Variants in NANOG observed in about 807,000 individuals in gnomAD.
NANOG encodes homeobox protein NANOG.
A neutral mutation model predicts 17.7 loss-of-function variants in NANOG; 2 were observed. The observed-to-expected ratio is 0.11, with a 90% CI of 0.05 to 0.36. The LOEUF is 0.36. NANOG is among the 10% of genes least tolerant of loss of function. NANOG has a pLI of 1.00. For synonymous variants in NANOG, 81 were observed against 124.7 expected (o/e 0.65, Z 2.33); for missense variants, 174 against 362.1 (o/e 0.48, Z 4.22).
rs993340113 is a variant in NANOG, at chr12:7,797,623, C to G, written c.*2528C>G. The G allele has an allele frequency of 2.6e-5, 4 of 152,292 alleles. No individual in the cohort carries two copies. Among genetic ancestry groups the G allele is most frequent in the African/African-American group, 9.7e-5 (4 of 41,410 alleles). 9.4% of individuals were successfully genotyped at this position (152,292 alleles called of 1,614,324 possible). A position where few individuals can be genotyped will look rare whatever the true frequency, so the allele number is the denominator to read the frequency against. The stretch of plus-strand genomic sequence containing the variant: ...CCACCCTCCTCGGTCTCCCAAAGTG[C>G]TAGGATTACAGGCATGAGCCACAGT... On this transcript the variant is annotated 3_prime_UTR_variant, in exon 4 of 4. Coordinates refer to ENST00000229307, the MANE Select transcript of NANOG (RefSeq NM_024865.4).
rs1468332464 is a variant in NANOG at position 7,797,777 on chromosome 12, T to G, written c.*2682T>G. On this transcript the variant is annotated 3_prime_UTR_variant, in exon 4 of 4. Coordinates refer to ENST00000229307, the MANE Select transcript of NANOG (RefSeq NM_024865.4). The stretch of plus-strand genomic sequence containing the variant: ...CAAGCAATCCTCCTGCCTGAGTCTC[T>G]CAAATAGCCCAGACTATAGGTGCAC... 1 of 151,872 alleles carries G rather than the reference T, an allele frequency of 6.6e-6. No homozygotes were observed. The highest frequency in any genetic ancestry group is 1.5e-5 in the Non-Finnish European group (1 of 68,044). The allele number at this position is 151,872 out of a possible 1,614,324, so 9.4% of individuals were successfully genotyped here. A position where few individuals can be genotyped will look rare whatever the true frequency, so the allele number is the denominator to read the frequency against.
At position 7,797,960 on chromosome 12, in the gene NANOG, T is replaced by G. The variant is rs555462620; in HGVS notation, c.*2865T>G. ...GAGTCACCAGCCTAGCCCTGTATTATGTTTTCTGAACTTTTTTTTTTTTAA... is the reference window on the plus strand; with the variant it reads ...GAGTCACCAGCCTAGCCCTGTATTAGGTTTTCTGAACTTTTTTTTTTTTAA... On this transcript the variant is annotated 3_prime_UTR_variant, in exon 4 of 4. Coordinates refer to ENST00000229307, the MANE Select transcript of NANOG (RefSeq NM_024865.4). The G allele has an allele frequency of 6.6e-6, 1 of 151,880 alleles. No homozygotes were observed. The highest frequency in any genetic ancestry group is 2.4e-5 in the African/African-American group (1 of 41,282). 9.4% of individuals were successfully genotyped at this position (151,880 alleles called of 1,614,324 possible). A position where few individuals can be genotyped will look rare whatever the true frequency, so the allele number is the denominator to read the frequency against.
Position 7,789,446 on chromosome 12 carries a change from C to G in NANOG, c.-169C>G. 1.6e-6 allele frequency: 1 copy of G among 615,680 alleles called. No individual in the cohort carries two copies. Among genetic ancestry groups the G allele is most frequent in the Non-Finnish European group, 2.9e-6 (1 of 348,802 alleles). 38.1% of individuals were successfully genotyped at this position (615,680 alleles called of 1,614,324 possible). A position where few individuals can be genotyped will look rare whatever the true frequency, so the allele number is the denominator to read the frequency against. ...GATTTTAACGTTCTGCTGGACTGAG[C>G]TGGTTGCCTCATGTTATTATGCAGG... On this transcript the variant is annotated 5_prime_UTR_variant, in exon 1 of 4. Coordinates refer to ENST00000229307, the MANE Select transcript of NANOG (RefSeq NM_024865.4).
At position 7,794,702 on chromosome 12, in the gene NANOG, C is replaced by T. The variant is rs758918190; in HGVS notation, c.525C>T (p.Pro175=). The T allele has an allele frequency of 1.9e-6, 3 of 1,606,654 alleles. No homozygotes were observed. Among genetic ancestry groups the T allele is most frequent in the Non-Finnish European group, 2.6e-6 (3 of 1,176,236 alleles). ...VTQKASAPTY[P]SLYSSYHQGC... ...AGAAGGCCTCAGCACCTACCTACCC[C>T]AGCCTTTACTCTTCCTACCACCAGG... Residue 175 remains proline (P), a synonymous_variant, in exon 4 of 4, where the codon CCC becomes CCT. Transcript: ENST00000229307.
In NANOG at chr12:7,798,263, G is replaced by A. The variant is rs911624303; in HGVS notation, c.*3168G>A. 6.6e-6 allele frequency: 1 copy of A among 152,212 alleles called. No individual in the cohort carries two copies. The highest frequency in any genetic ancestry group is 2.4e-5 in the African/African-American group (1 of 41,454). The allele number at this position is 152,212 out of a possible 1,614,324, so 9.4% of individuals were successfully genotyped here. On this transcript the variant is annotated 3_prime_UTR_variant, in exon 4 of 4. Transcript: ENST00000229307. ...GTCTTGGTTTGCGCCTGTAATCTCA[G>A]CTACTTGGAAGGCGGAGGCAGGATA...
chr12:7,792,836 C>T (rs1049217446), intron 1 of NANOG, 114 bp from the exon 2 acceptor site: 2 of 1,115,324 alleles, frequency 1.8e-6, no homozygotes, highest in Non-Finnish European at 2.6e-6. Context: ...CTTCTTATTA[C>T]TTAGATCTGG....
In NANOG at chr12:7,789,814, A is replaced by G; in HGVS notation, c.151+49A>G. On this transcript the variant is annotated intron_variant, in intron 1 of 3. Coordinates refer to ENST00000229307, the MANE Select transcript of NANOG (RefSeq NM_024865.4). ...AAGGCCAAGTTCCTTAAGGGAAAAG[A>G]GAGAAGGAGAGAGGGTTAAGGGATC... 2.6e-6 allele frequency: 4 copies of G among 1,563,684 alleles called. No individual in the cohort carries two copies. The Middle Eastern group carries it at 6.7e-4, about 261-fold the overall frequency.
In NANOG at chr12:7,793,192, C is replaced by G. The variant is rs1157451954; in HGVS notation, c.394C>G (p.Leu132Val). 1 of 1,613,570 alleles carries G rather than the reference C, an allele frequency of 6.2e-7. No homozygotes were observed. Among genetic ancestry groups the G allele is most frequent in the Non-Finnish European group, 8.5e-7 (1 of 1,179,844 alleles). ...LQQMQELSNI[L>V]NLSYKQVKTW... ...GCAGATGCAAGAACTCTCCAACATC[C>G]TGAACCTCAGCTACAAACAGGTAGG... The change falls in exon 2 of 4, where the codon CTG becomes GTG. Residue 132 changes from leucine to valine, a missense_variant. By Grantham distance (32) the Leu-to-Val change is conservative. This residue lies in a region of NANOG where 158 missense variants were observed against 244.2 expected (regional missense o/e 0.65). Transcript: ENST00000229307.
In NANOG at chr12:7,796,787, T is replaced by TCC. The variant is rs1862937899; in HGVS notation, c.*1692_*1693insCC. Reference sequence around the variant, plus strand: ...GTTTTATTTTGTTTTTTTTTAAGACTGGAGTCTTACTCTGTTGCCCAGGCT... The same window carrying TCC: ...GTTTTATTTTGTTTTTTTTTAAGACTCCGGAGTCTTACTCTGTTGCCCAGGCT... On this transcript the variant is annotated 3_prime_UTR_variant, in exon 4 of 4. Coordinates refer to ENST00000229307, the MANE Select transcript of NANOG (RefSeq NM_024865.4). 1.6e-5 allele frequency: 1 copy of TCC among 62,098 alleles called. No individual in the cohort carries two copies. Among genetic ancestry groups the TCC allele is most frequent in the Admixed American group, 1.9e-4 (1 of 5,386 alleles). 3.8% of individuals were successfully genotyped at this position (62,098 alleles called of 1,614,324 possible).
chr12:7,796,562 A>G lies in NANOG; in HGVS notation c.*1467A>G, dbSNP rs1862933911. 6.6e-6 allele frequency: 1 copy of G among 152,152 alleles called. No homozygotes were observed. The highest frequency in any genetic ancestry group is 2.4e-5 in the African/African-American group (1 of 41,440). The allele number at this position is 152,152 out of a possible 1,614,324, so 9.4% of individuals were successfully genotyped here. On this transcript the variant is annotated 3_prime_UTR_variant, in exon 4 of 4. Transcript: ENST00000229307. Reference sequence around the variant, plus strand: ...AGAGCAGCTACGCAGGCATCTGTGAATTATACTAATAATCCTTTACTGTCC... The same window carrying G: ...AGAGCAGCTACGCAGGCATCTGTGAGTTATACTAATAATCCTTTACTGTCC...
rs1471066954 is a variant in NANOG at position 7,793,099 on chromosome 12, G to C, written c.301G>C (p.Val101Leu). Reference sequence around the variant, plus strand: ...GGTCAAGAAACAGAAGACCAGAACTGTGTTCTCTTCCACCCAGCTGTGTGT... The same window carrying C: ...GGTCAAGAAACAGAAGACCAGAACTCTGTTCTCTTCCACCCAGCTGTGTGT... ...VPVKKQKTRT[V>L]FSSTQLCVLN... The change falls in exon 2 of 4, where the codon GTG becomes CTG. Residue 101 changes from valine (V) to leucine (L), a missense_variant. Coordinates refer to ENST00000229307, the MANE Select transcript of NANOG (RefSeq NM_024865.4). 22 of 1,608,606 alleles carry C rather than the reference G, an allele frequency of 1.4e-5. No homozygotes were observed. The highest frequency in any genetic ancestry group is 1.8e-5 in the Non-Finnish European group (21 of 1,174,910).
rs1340692462 is a variant in NANOG, at chr12:7,789,691, C to T, written c.77C>T (p.Pro26Leu). ...GACTGTAAAGAATCTTCACCTATGC[C>T]TGTGATTTGTGGGCCTGAAGAAAAC... is the stretch of plus-strand genomic sequence containing the variant. ...ASDCKESSPMPVICGPEENYP... is the reference protein window; with the variant it reads ...ASDCKESSPMLVICGPEENYP... Residue 26 changes from proline to leucine, a missense_variant, in exon 1 of 4, where the codon CCT (proline) becomes CTT (leucine). Coordinates refer to ENST00000229307, the MANE Select transcript of NANOG (RefSeq NM_024865.4). 1 of 1,614,076 alleles carries T rather than the reference C, an allele frequency of 6.2e-7. No individual in the cohort carries two copies.
intron 2 of NANOG, among the ~76,000 whole-genome samples, chr12:7,794,203 A>C (rs1171321911): frequency 6.6e-6 from 1 of 152,116 alleles, no homozygotes; most frequent in Non-Finnish European, 1.5e-5. Flanking sequence ...CCTCCTGAGA[A>C]GCTGGGACCA....
chr12:7,792,927 G>A (rs202147857), intron 1 of NANOG, 23 bp from the exon 2 acceptor site: 1 of 1,560,842 alleles, frequency 6.4e-7, no homozygotes, highest in Non-Finnish European at 8.6e-7. Flanking sequence ...AGACAAAAGT[G>A]TCCTTTTATT....
At chr12:7,790,780 T>C (rs1894827) in intron 1 of NANOG, among the ~76,000 whole-genome samples, 75,212 of 151,998 alleles carry the variant, frequency 0.49, 20,147 homozygotes, top group Non-Finnish European at 0.59. Flanking sequence ...GGGACTCACT[T>C]TGTCACATAG....
In NANOG at chr12:7,793,074, G is replaced by A. The variant is rs4354764; in HGVS notation, c.276G>A (p.Pro92=). The change falls in exon 2 of 4, where the codon CCG becomes CCA. Residue 92 remains proline (P), a synonymous_variant. Transcript: ENST00000229307. ...KSVAKKEDKV[P]VKKQKTRTVF... ...TCGCAAAAAAGGAAGACAAGGTCCC[G>A]GTCAAGAAACAGAAGACCAGAACTG... The A allele has an allele frequency of 0.55, 836,437 of 1,532,634 alleles. 247,229 individuals are homozygous for A. The highest frequency in any genetic ancestry group is 0.63 in the Middle Eastern group (3,657 of 5,824). 94.9% of individuals were successfully genotyped at this position (1,532,634 alleles called of 1,614,324 possible).
Position 7,795,029 on chromosome 12 carries a change from T to C in NANOG, c.852T>C (p.Phe284=), listed in dbSNP as rs1862899406. The C allele has an allele frequency of 8.0e-7, 1 of 1,246,026 alleles. No homozygotes were observed. The highest frequency in any genetic ancestry group is 1.2e-6 in the Non-Finnish European group (1 of 860,312). The allele number at this position is 1,246,026 out of a possible 1,614,324, so 77.2% of individuals were successfully genotyped here. A position where few individuals can be genotyped will look rare whatever the true frequency, so the allele number is the denominator to read the frequency against. The change falls in exon 4 of 4, where the codon TTT becomes TTC. Residue 284 remains phenylalanine (F), a synonymous_variant. Coordinates refer to ENST00000229307, the MANE Select transcript of NANOG (RefSeq NM_024865.4). ...LNVIQQTTRY[F]STPQTMDLFL... The stretch of plus-strand genomic sequence containing the variant: ...TAATACAGCAGACCACTAGGTATTT[T>C]AGTACTCCACAAACCATGGATTTAT...
intron 1 of NANOG, 26 bp from the exon 2 acceptor site, chr12:7,792,924 A>C: frequency 6.4e-7 from 1 of 1,560,840 alleles, no homozygotes. Context: ...TTTAGACAAA[A>C]GTGTCCTTTT....
At position 7,794,722 on chromosome 12, in the gene NANOG, A is replaced by G; in HGVS notation, c.545A>G (p.His182Arg). Residue 182 changes from histidine to arginine, a missense_variant, in exon 4 of 4, where the codon CAC (histidine) becomes CGC (arginine). By Grantham distance (29) the His-to-Arg change is conservative. Coordinates refer to ENST00000229307, the MANE Select transcript of NANOG (RefSeq NM_024865.4). ...PTYPSLYSSY[H>R]QGCLVNPTGN... is the part of the protein sequence containing the mutation. ...TACCCCAGCCTTTACTCTTCCTACC[A>G]CCAGGGATGCCTGGTGAACCCGACT... The G allele has an allele frequency of 1.3e-6, 2 of 1,581,160 alleles. No individual in the cohort carries two copies. The highest frequency in any genetic ancestry group is 1.7e-6 in the Non-Finnish European group (2 of 1,165,270).
Sources: allele counts gnomAD v4.1 joint callset (sites outside exome capture counted in the v4.1 genomes callset), GRCh38; gene constraint gnomAD v4.1.1; regional missense constraint gnomAD v4.1.1; transcripts MANE v1.5; gene names NCBI Gene and HGNC (gene_info 2026-07-23, HGNC 2026-07-21).